Variants in TAMM41 observed in about 807,000 individuals in gnomAD.
The protein encoded by TAMM41 is phosphatidate cytidylyltransferase, mitochondrial.
Under a neutral mutation model 44.1 loss-of-function variants are expected in TAMM41, and 36 were observed. The ratio of observed to expected loss-of-function variants is 0.82; its 90% CI spans 0.63 to 1.08. The LOEUF (loss-of-function observed/expected upper bound fraction) is 1.08, where lower values mean the gene tolerates loss of function less well. Ranked by LOEUF, TAMM41 falls within the 50% of genes least tolerant of loss-of-function variation. The pLI, the probability that TAMM41 is intolerant of heterozygous loss-of-function variation, is 0.00. For missense variants in TAMM41, 417 were observed against 404.3 expected (o/e 1.03, Z -0.27); for synonymous variants, 164 against 153.1 (o/e 1.07, Z -0.53).
At chr3:11,739,788 C>T in the TAMM41 span, among the ~76,000 whole-genome samples, 8 of 151,838 alleles carry the variant, frequency 5.3e-5, no homozygotes. Flanking sequence ...GGACCTTTAT[C>T]CCCAGACTAC....
chr3:11,754,806 C>T, the TAMM41 span, among the ~76,000 whole-genome samples: 3 of 143,460 alleles, frequency 2.1e-5, no homozygotes, highest in East Asian at 6.3e-4. Context: ...TCAAGTGATT[C>T]TCCTGCCTCA....
chr3:11,846,616 C>G lies in TAMM41; in HGVS notation c.21G>C (p.Gln7His). Residue 7 changes from glutamine (Q) to histidine (H), a missense_variant, in exon 1 of 8, where the codon CAG becomes CAC. Coordinates refer to ENST00000455809, the MANE Select transcript of TAMM41 (RefSeq NM_001284401.2). ...TCTTGCGGAAGGTCACCCACGAGCT[C>G]TGCAGCGTCTGCAGCGCCATGGGGT... The part of the protein sequence containing the change: MALQTL[Q>H]SSWVTFRKIL... 2 of 1,614,214 alleles carry G rather than the reference C, an allele frequency of 1.2e-6. No individual in the cohort carries two copies. Among genetic ancestry groups the G allele is most frequent in the Non-Finnish European group, 1.7e-6 (2 of 1,180,038 alleles).
chr3:11,842,707 G>GAA (rs60428671), intron 2 of TAMM41, among the ~76,000 whole-genome samples: 9 of 148,060 alleles, frequency 6.1e-5, no homozygotes, highest in South Asian at 4.3e-4. Flanking sequence ...AAAAGAAAAA[G>GAA]AAAAAAAAAA....
the TAMM41 span, among the ~76,000 whole-genome samples, chr3:11,734,681 C>CAT: frequency 6.6e-6 from 1 of 152,122 alleles, no homozygotes; most frequent in African/African-American, 2.4e-5. Context: ...GGAAGAAGAT[C>CAT]TAGTCTCTGC....
chr3:11,827,355 G>A (rs2078797676), intron 4 of TAMM41, among the ~76,000 whole-genome samples: 1 of 150,088 alleles, frequency 6.7e-6, no homozygotes. Flanking sequence ...TGTCATCCAG[G>A]CTGGAGTGCA....
At chr3:11,773,573 GACCTGTTGGCA>G in the TAMM41 span, among the ~76,000 whole-genome samples, 1 of 152,006 alleles carries the variant, frequency 6.6e-6, no homozygotes, top group South Asian at 2.1e-4. Context: ...AGAACATCCA[GACCTGTTGGCA>G]AACAAGCAGT....
chr3:11,730,417 C>CAAAAAAAAAAAAAA, the TAMM41 span, among the ~76,000 whole-genome samples: 1 of 99,234 alleles, frequency 1.0e-5, no homozygotes, highest in Non-Finnish European at 2.1e-5. Context: ...TACTTCATCT[C>CAAAAAAAAAAAAAA]AAAAAAAAAA....
chr3:11,753,486 A>T, the TAMM41 span, among the ~76,000 whole-genome samples: 1 of 152,036 alleles, frequency 6.6e-6, no homozygotes, highest in Non-Finnish European at 1.5e-5. Context: ...GCACTTTGGG[A>T]GGCCGAGGCA....
At chr3:11,769,467 G>C in the TAMM41 span, among the ~76,000 whole-genome samples, 6 of 151,774 alleles carry the variant, frequency 4.0e-5, no homozygotes, top group East Asian at 1.2e-3. Flanking sequence ...CAGGCCAAAG[G>C]GTAAATATTT....
chr3:11,790,662 A>C, intron 7 of TAMM41, 81 bp from the exon 8 acceptor site: 1 of 1,315,154 alleles, frequency 7.6e-7, no homozygotes, highest in Non-Finnish European at 1.1e-6. Flanking sequence ...TTCTGAGCAG[A>C]CTTGTCTTTG....
chr3:11,723,283 T>C, the TAMM41 span, among the ~76,000 whole-genome samples: 1 of 151,882 alleles, frequency 6.6e-6, no homozygotes, highest in African/African-American at 2.4e-5. Flanking sequence ...GGTTCTCTAT[T>C]AAAATAACTA....
At chr3:11,794,180 A>G (rs1367799278) in intron 7 of TAMM41, among the ~76,000 whole-genome samples, 3 of 148,616 alleles carry the variant, frequency 2.0e-5, no homozygotes, top group African/African-American at 7.5e-5. Context: ...TCTGTCGCCC[A>G]GGTTGGAGTG....
intron 7 of TAMM41, among the ~76,000 whole-genome samples, chr3:11,792,345 AAACT>A (rs1304478814): frequency 6.6e-6 from 1 of 152,224 alleles, no homozygotes; most frequent in Admixed American, 6.5e-5. Context: ...GGTGGGCCAC[AAACT>A]AACAGTGGCC....
downstream of TAMM41, among the ~76,000 whole-genome samples, chr3:11,787,983 A>G (rs2077426621): frequency 6.6e-6 from 1 of 152,212 alleles, no homozygotes; most frequent in African/African-American, 2.4e-5. Flanking sequence ...GGGGCAGTGG[A>G]ACACAAAGAC....
chr3:11,781,736 AAATAATAATAAT>A, the TAMM41 span, among the ~76,000 whole-genome samples: 49 of 123,076 alleles, frequency 4.0e-4, no homozygotes, highest in South Asian at 2.1e-3. Flanking sequence ...CTCCATCTCA[AAATAATAATAAT>A]AATAATAATA....
At chr3:11,754,728 T>G in the TAMM41 span, among the ~76,000 whole-genome samples, 2 of 147,642 alleles carry the variant, frequency 1.4e-5, no homozygotes, top group African/African-American at 5.1e-5. Flanking sequence ...TTTTTTTTTT[T>G]TTTGAGACAG....
chr3:11,824,842 G>C (rs1206298743), intron 4 of TAMM41, among the ~76,000 whole-genome samples: 1 of 152,148 alleles, frequency 6.6e-6, no homozygotes, highest in Non-Finnish European at 1.5e-5. Context: ...ATAAGATACA[G>C]TGTAGCCGAC....
intron 6 of TAMM41, 200 bp from the exon 7 acceptor site, chr3:11,808,095 G>T (rs565438430): frequency 9.7e-6 from 11 of 1,135,566 alleles, no homozygotes. Flanking sequence ...CAGCCGTGGC[G>T]CCACCCGGCT....
chr3:11,760,033 A>G, the TAMM41 span, among the ~76,000 whole-genome samples: 1 of 152,202 alleles, frequency 6.6e-6, no homozygotes, highest in Non-Finnish European at 1.5e-5. Context: ...GAAAACCCAC[A>G]CAAAGTGGAC....
Sources: allele counts gnomAD v4.1 joint callset (sites outside exome capture counted in the v4.1 genomes callset), GRCh38; gene constraint gnomAD v4.1.1; transcripts MANE v1.5; gene names NCBI Gene and HGNC (gene_info 2026-07-23, HGNC 2026-07-21).